The following RIPK2 variants were observed in gnomAD, a reference collection of about 807,000 sequenced individuals.
RIPK2 encodes receptor interacting serine/threonine kinase 2.
A neutral mutation model predicts 60.9 loss-of-function variants in RIPK2; 38 were observed. The ratio of observed to expected loss-of-function variants is 0.62; its 90% CI spans 0.48 to 0.82. The LOEUF (loss-of-function observed/expected upper bound fraction) is 0.82. RIPK2 is among the 40% of genes least tolerant of loss of function. The probability of loss-of-function intolerance (pLI) is 0.00; values close to 1 mark genes in which losing one functional copy is unlikely to be tolerated. For missense variants in RIPK2, 518 were observed against 647.0 expected (o/e 0.80, Z 2.16); for synonymous variants, 225 against 223.4 (o/e 1.01, Z -0.06).
At chr8:89,785,257 T>A (rs1809566664) in intron 8 of RIPK2, among the ~76,000 whole-genome samples, 1 of 152,096 alleles carries the variant, frequency 6.6e-6, no homozygotes, top group Non-Finnish European at 1.5e-5. Flanking sequence ...GGTGGATCAC[T>A]TGAGGTCAGG....
chr8:89,780,374 T>C (rs73694485), intron 7 of RIPK2: 10,598 of 299,770 alleles, frequency 0.035, 877 homozygotes, highest in African/African-American at 0.19. Context: ...CCTTCAGATT[T>C]TAAAGACATT....
At chr8:89,788,169 C>T (rs1336337416) in intron 9 of RIPK2, among the ~76,000 whole-genome samples, 1 of 151,726 alleles carries the variant, frequency 6.6e-6, no homozygotes, top group Non-Finnish European at 1.5e-5. Flanking sequence ...TGCCAAAACC[C>T]CATCTCTACT....
Position 89,776,314 on chromosome 8 carries a change from C to T in RIPK2, c.853+3486C>T, listed in dbSNP as rs574436224. On this transcript the variant is annotated intron_variant, in intron 6 of 10. Transcript: ENST00000220751. ...AAGAAAAGGACTTAAGTGTCTCCTC[C>T]AACAGTACGAGATAATTATGTAAGA... Among the ~76,000 whole-genome samples, 6 of 152,202 alleles carry T rather than the reference C, an allele frequency of 3.9e-5. No homozygotes were observed. In the East Asian group the frequency reaches 1.2e-3, roughly 29 times the overall value.
At chr8:89,770,781 TTTG>T (rs1226748223) in intron 4 of RIPK2, among the ~76,000 whole-genome samples, 2 of 151,920 alleles carry the variant, frequency 1.3e-5, no homozygotes, top group Non-Finnish European at 2.9e-5. Flanking sequence ...CATTTTAATT[TTTG>T]TTATTTCTCA....
chr8:89,765,931 G>A (rs40452), intron 3 of RIPK2, among the ~76,000 whole-genome samples: 99,662 of 151,448 alleles, frequency 0.66, 34,570 homozygotes, highest in African/African-American at 0.89. Flanking sequence ...CATAGTAACC[G>A]CAACAATCAA....
chr8:89,788,589 C>T (rs1256633087), intron 9 of RIPK2, among the ~76,000 whole-genome samples: 1 of 152,032 alleles, frequency 6.6e-6, no homozygotes, highest in African/African-American at 2.4e-5. Context: ...CCAGCCTGGC[C>T]AACATGGTGA....
intron 3 of RIPK2, among the ~76,000 whole-genome samples, chr8:89,769,505 T>C (rs1809279356): frequency 6.6e-6 from 1 of 151,864 alleles, no homozygotes; most frequent in South Asian, 2.1e-4. Context: ...ATGCCTCTGC[T>C]CAATTTTCAA....
In RIPK2 at chr8:89,786,515, C is replaced by G. The variant is rs1182237928; in HGVS notation, c.1030-78C>G. 3.5e-6 allele frequency: 3 copies of G among 860,826 alleles called. No homozygotes were observed. The African/African-American group carries it at 5.3e-5, about 15-fold the overall frequency. 53.3% of individuals were successfully genotyped at this position (860,826 alleles called of 1,614,324 possible). ...AGTTTTTATCTTCATTTGTGATAAG[C>G]CACAAACAAGAACTATTTAGAAATT... On this transcript the variant is annotated intron_variant, in intron 8 of 10. Coordinates refer to ENST00000220751, the MANE Select transcript of RIPK2 (RefSeq NM_003821.6).
chr8:89,760,055 A>G (rs1264847519), intron 1 of RIPK2, among the ~76,000 whole-genome samples: 1 of 152,116 alleles, frequency 6.6e-6, no homozygotes, highest in Non-Finnish European at 1.5e-5. Flanking sequence ...CTTTTCTCCA[A>G]TTTGTTACTT....
chr8:89,758,317 A>G, intron 1 of RIPK2, 84 bp downstream of exon 1: 1 of 1,380,682 alleles, frequency 7.2e-7, no homozygotes, highest in Non-Finnish European at 9.7e-7. Flanking sequence ...CTAGAGCCCA[A>G]ATGGCAGTGA....
At chr8:89,780,227 TTA>T in intron 7 of RIPK2, 67 bp downstream of exon 7, 1 of 823,724 alleles carries the variant, frequency 1.2e-6, no homozygotes, top group South Asian at 1.7e-5. Context: ...ATGGAGATTT[TTA>T]GTTAAGTGTA....
rs116059951 is a variant in RIPK2, at chr8:89,775,159, C to T, written c.853+2331C>T. On this transcript the variant is annotated intron_variant, in intron 6 of 10. Coordinates refer to ENST00000220751, the MANE Select transcript of RIPK2 (RefSeq NM_003821.6). ...TGGGGTCAAAATTTTTTCCTATGGC[C>T]AGGCACAGTGGCCCATGCCTGTAAT... Among the ~76,000 whole-genome samples, 1,092 of 152,140 alleles carry T rather than the reference C, an allele frequency of 7.2e-3. 15 individuals carry two copies. Among genetic ancestry groups the T allele is most frequent in the African/African-American group, 0.024 (1,009 of 41,496 alleles).
intron 7 of RIPK2, among the ~76,000 whole-genome samples, chr8:89,783,780 A>G (rs1809538383): frequency 6.6e-6 from 1 of 152,180 alleles, no homozygotes; most frequent in Non-Finnish European, 1.5e-5. Context: ...TCCTGCATGT[A>G]GGTAATTGTT....
chr8:89,763,948 T>G (rs111411333), intron 2 of RIPK2, among the ~76,000 whole-genome samples: 1,635 of 152,174 alleles, frequency 0.011, 22 homozygotes, highest in African/African-American at 0.033. Flanking sequence ...AAATCTAACA[T>G]TTTCTTCCCA....
intron 7 of RIPK2, among the ~76,000 whole-genome samples, chr8:89,781,516 G>A (rs146995188): frequency 1.3e-5 from 2 of 151,854 alleles, no homozygotes; most frequent in Non-Finnish European, 2.9e-5. Context: ...TACAGGCGTG[G>A]GCTACCACAC....
chr8:89,765,158 A>T (rs1809206740), intron 2 of RIPK2, among the ~76,000 whole-genome samples, 183 bp from the exon 3 acceptor site: 1 of 152,070 alleles, frequency 6.6e-6, no homozygotes, highest in Non-Finnish European at 1.5e-5. Flanking sequence ...TTCTCTATAA[A>T]GTGAGGAAAG....
Position 89,758,139 on chromosome 8 carries a change from G to T in RIPK2, c.79G>T (p.Gly27Cys). The T allele has an allele frequency of 6.3e-7, 1 of 1,598,364 alleles. No individual in the cohort carries two copies. The highest frequency in any genetic ancestry group is 1.1e-5 in the South Asian group (1 of 88,902). The change falls in exon 1 of 11, where the codon GGC (glycine) becomes TGC (cysteine). Residue 27 changes from glycine (G) to cysteine (C), a missense_variant. Gly to Cys is a radical substitution (Grantham distance 159). Coordinates refer to ENST00000220751, the MANE Select transcript of RIPK2 (RefSeq NM_003821.6). The stretch of plus-strand genomic sequence containing the variant: ...CGCCGACCTGCGCTACCTGAGCCGC[G>T]GCGCCTCTGGCACTGTGTCGTCCGC... ...KLADLRYLSR[G>C]ASGTVSSARH... is the part of the protein sequence containing the mutation.
At chr8:89,784,435 C>A (rs894844840) in intron 8 of RIPK2, among the ~76,000 whole-genome samples, 2 of 152,176 alleles carry the variant, frequency 1.3e-5, no homozygotes. Context: ...GTAGGCAAAT[C>A]ATTGATTACA....
At chr8:89,765,629 G>T (rs938843108) in intron 3 of RIPK2, 133 bp downstream of exon 3, 1 of 512,496 alleles carries the variant, frequency 2.0e-6, no homozygotes, top group East Asian at 3.1e-5. Context: ...AATTTCCATA[G>T]CCCCTAATTT....
Sources: allele counts gnomAD v4.1 joint callset (sites outside exome capture counted in the v4.1 genomes callset), GRCh38; gene constraint gnomAD v4.1.1; transcripts MANE v1.5; gene names NCBI Gene and HGNC (gene_info 2026-07-23, HGNC 2026-07-21).